Variants in KCNK9 observed in about 807,000 individuals in gnomAD.
KCNK9 encodes potassium channel subfamily K member 9.
KCNK9 carries 1 observed loss-of-function variant against 10.8 expected under a neutral mutation model. The ratio of observed to expected loss-of-function variants is 0.09; its 90% CI spans 0.03 to 0.44. The LOEUF (loss-of-function observed/expected upper bound fraction) is 0.44. Among genes scored for constraint, KCNK9 ranks in the 20% least tolerant of loss-of-function variants. The pLI, the probability that KCNK9 is intolerant of heterozygous loss-of-function variation, is 0.97. For missense variants in KCNK9, 303 were observed against 515.0 expected, an observed-to-expected ratio of 0.59 and a Z score of 3.98; for synonymous variants, 231 against 222.7, an observed-to-expected ratio of 1.04 and a Z score of -0.33.
chr8:139,632,009 G>A (rs1320052338), intron 1 of KCNK9, among the ~76,000 whole-genome samples: 7 of 152,136 alleles, frequency 4.6e-5, no homozygotes, highest in South Asian at 2.1e-4. Context: ...TGTAAGTTCC[G>A]GTCAAACCAG....
intron 1 of KCNK9, among the ~76,000 whole-genome samples, chr8:139,634,939 G>T (rs952422632): frequency 6.6e-6 from 1 of 152,130 alleles, no homozygotes; most frequent in Non-Finnish European, 1.5e-5. Context: ...AGCGGGCGGG[G>T]GCAGCCACCT....
At chr8:139,677,572 G>GA (rs958847103) in intron 1 of KCNK9, among the ~76,000 whole-genome samples, 2 of 103,392 alleles carry the variant, frequency 1.9e-5, no homozygotes, top group Non-Finnish European at 4.3e-5. Context: ...TTACAAGGAG[G>GA]AAAAAAAATA....
chr8:139,601,869 C>T (rs1379791778), intron 2 of KCNK9: 3 of 152,196 alleles, frequency 2.0e-5, no homozygotes, highest in African/African-American at 7.2e-5. Flanking sequence ...ATGTGTCAGG[C>T]ACTAACCGCC....
downstream of KCNK9, chr8:139,616,045 A>T (rs918145688): frequency 3.3e-5 from 5 of 152,142 alleles, no homozygotes; most frequent in African/African-American, 4.8e-5. Flanking sequence ...AGACTGAGAC[A>T]CCTGTCTCAG....
At chr8:139,663,215 C>T (rs555053000) in intron 1 of KCNK9, among the ~76,000 whole-genome samples, 2 of 152,246 alleles carry the variant, frequency 1.3e-5, no homozygotes, top group Admixed American at 6.5e-5. Context: ...TGCACACACA[C>T]GTGCACACAC....
intron 1 of KCNK9, among the ~76,000 whole-genome samples, chr8:139,663,730 C>G (rs1323481649): frequency 6.6e-6 from 1 of 151,400 alleles, no homozygotes; most frequent in African/African-American, 2.4e-5. Context: ...CCAATTCCAG[C>G]CTTAACTCAG....
At chr8:139,669,916 T>C (rs1816388609) in intron 1 of KCNK9, among the ~76,000 whole-genome samples, 1 of 152,244 alleles carries the variant, frequency 6.6e-6, no homozygotes. Context: ...AAGGATGTTG[T>C]GTTAGCAGGC....
At chr8:139,663,676 TGTGTGTTAGAGAGAGAGA>T (rs998876486) in intron 1 of KCNK9, among the ~76,000 whole-genome samples, 2 of 151,124 alleles carry the variant, frequency 1.3e-5, no homozygotes, top group African/African-American at 4.9e-5. Context: ...TGTGTGTGTG[TGTGTGTTAGAGAGAGAGA>T]TAGAGAGAGA....
chr8:139,610,606 G>A (rs1814391791), downstream of KCNK9, among the ~76,000 whole-genome samples: 1 of 152,162 alleles, frequency 6.6e-6, no homozygotes, highest in Non-Finnish European at 1.5e-5. Flanking sequence ...CAAACAAGGG[G>A]ATGCCACAGA....
At chr8:139,676,913 C>A (rs1345085909) in intron 1 of KCNK9, among the ~76,000 whole-genome samples, 1 of 152,190 alleles carries the variant, frequency 6.6e-6, no homozygotes, top group Admixed American at 6.5e-5. Context: ...GATTGTGCCA[C>A]TACACTCCAG....
At chr8:139,658,911 T>C (rs892383124) in intron 1 of KCNK9, among the ~76,000 whole-genome samples, 1 of 152,224 alleles carries the variant, frequency 6.6e-6, no homozygotes, top group African/African-American at 2.4e-5. Flanking sequence ...TGCTGACCAC[T>C]GCTGTGGATG....
At chr8:139,637,957 G>A (rs1815390087) in intron 1 of KCNK9, among the ~76,000 whole-genome samples, 1 of 152,074 alleles carries the variant, frequency 6.6e-6, no homozygotes, top group Admixed American at 6.5e-5. Context: ...GAGAATGTGA[G>A]GAAGCTGTGC....
Position 139,687,358 on chromosome 8 carries a change from A to T in KCNK9, c.283+15352T>A, listed in dbSNP as rs375004169. On this transcript the variant is annotated intron_variant, in intron 1 of 1. Coordinates refer to ENST00000520439, the MANE Select transcript of KCNK9 (RefSeq NM_001282534.2). Reference sequence around the variant, plus strand: ...TTTTCATACATATATATATATGTATACATATATATGTGTATACATATATAT... The same window carrying T: ...TTTTCATACATATATATATATGTATTCATATATATGTGTATACATATATAT... 1.7e-3 allele frequency among the ~76,000 whole-genome samples: 81 copies of T among 47,552 alleles called. 1 individual carries two copies. The highest frequency in any genetic ancestry group is 4.9e-3 in the African/African-American group (70 of 14,262). 31.2% of individuals were successfully genotyped at this position (47,552 alleles called of 152,430 possible). A position where few individuals can be genotyped will look rare whatever the true frequency, so the allele number is the denominator to read the frequency against.
rs1817404154 is a variant in KCNK9, at chr8:139,602,870, G to A, written c.*1-1269C>T. Among the ~76,000 whole-genome samples the A allele has an allele frequency of 2.6e-5, 4 of 152,228 alleles. No individual in the cohort carries two copies. In the South Asian group the frequency reaches 8.3e-4, roughly 32 times the overall value. On this transcript the variant is annotated intron_variant, in intron 2 of 2. Transcript: ENST00000650269. ...AGGATTTTCCACTTGCAGAAAGGGAGAGTAAAACCTTTGAAACCTCACATT... is the reference window on the plus strand; with the variant it reads ...AGGATTTTCCACTTGCAGAAAGGGAAAGTAAAACCTTTGAAACCTCACATT...
chr8:139,668,279 G>A (rs943536058), intron 1 of KCNK9, among the ~76,000 whole-genome samples: 1 of 152,006 alleles, frequency 6.6e-6, no homozygotes, highest in Admixed American at 6.6e-5. Flanking sequence ...AAACCCCCAT[G>A]ACATGGGTTT....
At chr8:139,633,945 C>G (rs741463) in intron 1 of KCNK9, among the ~76,000 whole-genome samples, 95,563 of 152,244 alleles carry the variant, frequency 0.63, 30,094 homozygotes, top group East Asian at 0.78. Context: ...TGTAACTATT[C>G]GCATCGAGCC....
At chr8:139,679,444 G>C (rs971032851) in intron 1 of KCNK9, among the ~76,000 whole-genome samples, 1 of 152,240 alleles carries the variant, frequency 6.6e-6, no homozygotes, top group African/African-American at 2.4e-5. Flanking sequence ...CTTGTTACAA[G>C]GGAAACCCAG....
chr8:139,664,421 A>C (rs3780039), intron 1 of KCNK9, among the ~76,000 whole-genome samples: 65,717 of 150,016 alleles, frequency 0.44, 17,347 homozygotes, highest in East Asian at 0.86. Flanking sequence ...CCCCTCCCCT[A>C]CACAGCCTCT....
chr8:139,668,421 ACT>A (rs1491263486), intron 1 of KCNK9, among the ~76,000 whole-genome samples: 4 of 109,134 alleles, frequency 3.7e-5, no homozygotes, highest in Non-Finnish European at 7.4e-5. Context: ...TGTAAACAAT[ACT>A]TTTTTTTTTT....
Sources: allele counts gnomAD v4.1 joint callset (sites outside exome capture counted in the v4.1 genomes callset), GRCh38; gene constraint gnomAD v4.1.1; transcripts MANE v1.5; gene names NCBI Gene and HGNC (gene_info 2026-07-23, HGNC 2026-07-21).